LGR5: variants seen among roughly 807,000 people sequenced by gnomAD.
LGR5 encodes the protein leucine-rich repeat-containing G protein-coupled receptor 5.
In LGR5, 54 loss-of-function variants were observed where a neutral mutation model predicts 76.7. That is an observed-to-expected ratio of 0.70 (90% CI 0.57 to 0.88). The LOEUF (loss-of-function observed/expected upper bound fraction) is 0.88, where lower values mean the gene tolerates loss of function less well. LGR5 is among the 40% of genes least tolerant of loss of function. LGR5 has a pLI of 0.00. For synonymous variants in LGR5, 406 were observed against 421.9 expected, an observed-to-expected ratio of 0.96 and a Z score of 0.46; for missense variants, 1,078 against 1,073.3, an observed-to-expected ratio of 1.00 and a Z score of -0.06.
At chr12:71,503,918 C>G (rs1290999691) in intron 1 of LGR5, among the ~76,000 whole-genome samples, 1 of 152,142 alleles carries the variant, frequency 6.6e-6, no homozygotes, top group African/African-American at 2.4e-5. Context: ...TGTAATTACA[C>G]AGAGTTTCGT....
intron 1 of LGR5, among the ~76,000 whole-genome samples, chr12:71,443,150 T>C (rs988393032): frequency 3.3e-5 from 5 of 152,226 alleles, no homozygotes; most frequent in African/African-American, 1.2e-4. Context: ...TGATGGCAAG[T>C]TCCAGCTGTA....
At chr12:71,562,397 G>A (rs570502901) in intron 8 of LGR5, among the ~76,000 whole-genome samples, 1 of 152,222 alleles carries the variant, frequency 6.6e-6, no homozygotes, top group East Asian at 1.9e-4. Context: ...AGGTGTGTAT[G>A]AGGATTTATA....
At chr12:71,565,792 T>A (rs1311411403) in intron 8 of LGR5, among the ~76,000 whole-genome samples, 5 of 151,834 alleles carry the variant, frequency 3.3e-5, no homozygotes, top group Non-Finnish European at 5.9e-5. Flanking sequence ...TGGCACTCCA[T>A]TGACCAGGCA....
chr12:71,444,105 G>T (rs1172489066), intron 1 of LGR5, among the ~76,000 whole-genome samples: 1 of 152,048 alleles, frequency 6.6e-6, no homozygotes. Context: ...CAAGATGAAA[G>T]ATCCTTTTTA....
In LGR5 at chr12:71,572,884, G is replaced by T; in HGVS notation, c.1171G>T (p.Val391Phe). ...ACATAATGAAATCTACGAAATTAAA[G>T]TTGACACTTTCCAGCAGTTGCTTAG... ...LRHNEIYEIK[V>F]DTFQQLLSLR... Residue 391 changes from valine to phenylalanine, a missense_variant, in exon 13 of 18, where the codon GTT becomes TTT. By Grantham distance (50) the Val-to-Phe change is conservative. Transcript: ENST00000266674. 6.2e-7 allele frequency: 1 copy of T among 1,613,938 alleles called. No homozygotes were observed. Among genetic ancestry groups the T allele is most frequent in the Non-Finnish European group, 8.5e-7 (1 of 1,179,880 alleles).
chr12:71,490,090 A>G (rs1874000162), intron 1 of LGR5, among the ~76,000 whole-genome samples: 1 of 151,018 alleles, frequency 6.6e-6, no homozygotes, highest in South Asian at 2.1e-4. Flanking sequence ...TGATCACACC[A>G]CTATCCTCCA....
At chr12:71,455,415 G>A (rs1051201121) in intron 1 of LGR5, among the ~76,000 whole-genome samples, 1 of 152,040 alleles carries the variant, frequency 6.6e-6, no homozygotes, top group African/African-American at 2.4e-5. Flanking sequence ...TAGAAAATGG[G>A]AGGTTTCCAC....
intron 6 of LGR5, among the ~76,000 whole-genome samples, chr12:71,557,440 T>G (rs1236629793): frequency 6.6e-6 from 1 of 152,206 alleles, no homozygotes. Flanking sequence ...TAGGCTCTAG[T>G]GAGGTAAAGT....
At chr12:71,564,028 TGC>T (rs1185765337) in intron 8 of LGR5, among the ~76,000 whole-genome samples, 1 of 16,832 alleles carries the variant, frequency 5.9e-5, no homozygotes, top group Non-Finnish European at 2.0e-4. Context: ...CGTGTATATA[TGC>T]ATATATACGT....
Position 71,582,466 on chromosome 12 carries a change from C to G in LGR5, c.1563C>G (p.Asp521Glu), listed in dbSNP as rs1291307319. 6.2e-7 allele frequency: 1 copy of G among 1,613,936 alleles called. No homozygotes were observed. Reference protein sequence around the residue: ...AGMFQAQDERDLEDFLLDFEE... With the variant: ...AGMFQAQDERELEDFLLDFEE... ...CTTCTTGTGCTGCAGATGAACGTGA[C>G]CTTGAAGATTTCCTGCTTGACTTTG... Residue 521 changes from aspartate (D) to glutamate (E), a missense_variant, in exon 17 of 18, where the codon GAC (aspartate) becomes GAG (glutamate). Physicochemically the swap from Asp to Glu is conservative, Grantham distance 45. Transcript: ENST00000266674.
intron 13 of LGR5, among the ~76,000 whole-genome samples, chr12:71,576,632 G>A (rs1244241464): frequency 1.3e-5 from 2 of 152,082 alleles, no homozygotes; most frequent in Non-Finnish European, 2.9e-5. Flanking sequence ...TCCAGCGCAC[G>A]GGCTCATGAA....
At chr12:71,559,387 T>A (rs1370069639) in intron 6 of LGR5, among the ~76,000 whole-genome samples, 199 bp from the exon 7 acceptor site, 2 of 152,194 alleles carry the variant, frequency 1.3e-5, no homozygotes, top group Non-Finnish European at 2.9e-5. Flanking sequence ...TCATGATTAG[T>A]CAAATGACCA....
intron 1 of LGR5, among the ~76,000 whole-genome samples, chr12:71,453,360 A>G (rs1225377094): frequency 6.6e-6 from 1 of 152,228 alleles, no homozygotes; most frequent in African/African-American, 2.4e-5. Context: ...ACTTTGTCAC[A>G]GAGAGTAGGC....
At chr12:71,446,210 C>T (rs1016650756) in intron 1 of LGR5, among the ~76,000 whole-genome samples, 8 of 152,142 alleles carry the variant, frequency 5.3e-5, no homozygotes, top group African/African-American at 1.7e-4. Flanking sequence ...ACTACTAGTC[C>T]GCAAGTACAA....
chr12:71,440,433 TG>T lies in LGR5; in HGVS notation c.212+142del. 1.3e-6 allele frequency: 1 copy of T among 747,886 alleles called. No homozygotes were observed. Among genetic ancestry groups the T allele is most frequent in the South Asian group, 1.6e-5 (1 of 61,722 alleles). The allele number at this position is 747,886 out of a possible 1,614,324, so 46.3% of individuals were successfully genotyped here. A position where few individuals can be genotyped will look rare whatever the true frequency, so the allele number is the denominator to read the frequency against. ...TTGTCAAGGGCATCCTGGCCAGGCCTGTTAGGGCCCCCAGAGAAATGCACGT... is the reference window on the plus strand; with the variant it reads ...TTGTCAAGGGCATCCTGGCCAGGCCTTTAGGGCCCCCAGAGAAATGCACGT... On this transcript the variant is annotated intron_variant, in intron 1 of 17. Coordinates refer to ENST00000266674, the MANE Select transcript of LGR5 (RefSeq NM_003667.4). This position sits in a 1 kb window ranked among gnomAD's most constrained non-coding sequence, Gnocchi z 5.3.
intron 1 of LGR5, among the ~76,000 whole-genome samples, chr12:71,491,677 C>A (rs1291699223): frequency 1.3e-5 from 2 of 150,724 alleles, no homozygotes; most frequent in South Asian, 2.1e-4. Context: ...CATCAGTGGA[C>A]CCCTGTGGCA....
intron 3 of LGR5, 94 bp downstream of exon 3, chr12:71,524,571 T>C (rs1875891108): frequency 2.6e-6 from 2 of 771,326 alleles, no homozygotes; most frequent in Non-Finnish European, 4.4e-6. Context: ...TAATACACTA[T>C]TTAAATCCAT....
chr12:71,501,409 G>T (rs1874596559), intron 1 of LGR5, among the ~76,000 whole-genome samples: 1 of 152,138 alleles, frequency 6.6e-6, no homozygotes, highest in African/African-American at 2.4e-5. Context: ...ACCTCACTGA[G>T]CCTCATTTTC....
intron 2 of LGR5, among the ~76,000 whole-genome samples, chr12:71,518,867 A>G (rs1029383310): frequency 1.3e-5 from 2 of 152,186 alleles, no homozygotes; most frequent in Non-Finnish European, 2.9e-5. Flanking sequence ...GGATCCGGAA[A>G]AATAACTAAT....
Sources: allele counts gnomAD v4.1 joint callset (sites outside exome capture counted in the v4.1 genomes callset), GRCh38; gene constraint gnomAD v4.1.1; non-coding constraint Gnocchi (gnomAD v3.1); transcripts MANE v1.5; gene names NCBI Gene and HGNC (gene_info 2026-07-23, HGNC 2026-07-21).